The following SLC16A12 variants were observed in gnomAD, a reference collection of about 807,000 sequenced individuals.
SLC16A12 encodes monocarboxylate transporter 12.
Under a neutral mutation model 42.4 loss-of-function variants are expected in SLC16A12, and 17 were observed. The observed-to-expected ratio is 0.40, with a 90% confidence interval of 0.27 to 0.60. SLC16A12 has a LOEUF of 0.60. SLC16A12 is among the 20% of genes least tolerant of loss of function. The pLI is 0.42. For synonymous variants in SLC16A12, 224 were observed against 229.4 expected (o/e 0.98, Z 0.21); for missense variants, 544 against 623.0 (o/e 0.87, Z 1.35).
At chr10:89,553,458 A>T (rs143885869) in intron 2 of SLC16A12, among the ~76,000 whole-genome samples, 134 of 152,352 alleles carry the variant, frequency 8.8e-4, no homozygotes, top group African/African-American at 3.1e-3. Flanking sequence ...GACTCATTTC[A>T]ATACTAAATT....
intron 2 of SLC16A12, among the ~76,000 whole-genome samples, chr10:89,465,455 T>A (rs1010275969): frequency 6.6e-6 from 1 of 152,226 alleles, no homozygotes; most frequent in African/African-American, 2.4e-5. Flanking sequence ...GTCACTGACT[T>A]GACCAGCTGT....
intron 2 of SLC16A12, among the ~76,000 whole-genome samples, chr10:89,480,804 G>A (rs1011790575): frequency 3.9e-5 from 6 of 152,120 alleles, no homozygotes. Flanking sequence ...AATGGAGTGA[G>A]GAAGACTGGC....
chr10:89,441,209 A>G lies in SLC16A12; in HGVS notation c.347T>C (p.Val116Ala). 1 of 1,614,032 alleles carries G rather than the reference A, an allele frequency of 6.2e-7. No homozygotes were observed. Among genetic ancestry groups the G allele is most frequent in the East Asian group, 2.2e-5 (1 of 44,882 alleles). Residue 116 changes from valine to alanine, a missense_variant, in exon 5 of 8, where the codon GTG becomes GCG. Physicochemically the swap from Val to Ala is moderately conservative, Grantham distance 64. Transcript: ENST00000371790. ...AAGCAAGCCACCCAGCATGATTCCC[A>G]CTTGACAGGATAAATGGTTACTGAC... is the stretch of plus-strand genomic sequence containing the variant. The part of the protein sequence containing the change: ...SVVSNHLSCQ[V>A]GIMLGGLLAS...
chr10:89,497,963 A>G (rs1452728668), intron 2 of SLC16A12, among the ~76,000 whole-genome samples: 1 of 152,200 alleles, frequency 6.6e-6, no homozygotes, highest in African/African-American at 2.4e-5. Context: ...CTACGTCTGT[A>G]CTATTTGAAA....
intron 2 of SLC16A12, among the ~76,000 whole-genome samples, chr10:89,548,228 T>A (rs187718633): frequency 1.3e-5 from 2 of 152,036 alleles, no homozygotes; most frequent in East Asian, 3.9e-4. Flanking sequence ...AGATATGAAG[T>A]GAAAGAGACA....
chr10:89,483,370 G>A (rs780528561), intron 2 of SLC16A12, among the ~76,000 whole-genome samples: 2 of 152,098 alleles, frequency 1.3e-5, no homozygotes, highest in Non-Finnish European at 2.9e-5. Flanking sequence ...TGAGGCAGCT[G>A]GGCAGATCTT....
intron 2 of SLC16A12, among the ~76,000 whole-genome samples, chr10:89,480,236 G>C (rs1006504009): frequency 1.3e-5 from 2 of 152,128 alleles, no homozygotes; most frequent in South Asian, 4.1e-4. Context: ...TGAAGCACAT[G>C]GAACAGTGCC....
intron 2 of SLC16A12, among the ~76,000 whole-genome samples, chr10:89,503,179 C>T (rs1843012481): frequency 6.6e-6 from 1 of 152,204 alleles, no homozygotes; most frequent in African/African-American, 2.4e-5. Flanking sequence ...TTATTCCTCA[C>T]ATAATTGACT....
At chr10:89,470,925 C>T (rs76650135) in intron 2 of SLC16A12, among the ~76,000 whole-genome samples, 4 of 39,810 alleles carry the variant, frequency 1.0e-4, no homozygotes, top group Non-Finnish European at 2.7e-4. Flanking sequence ...CACAAGGACA[C>T]GGACACGTGA....
At chr10:89,454,122 G>A (rs146245391) in intron 3 of SLC16A12, among the ~76,000 whole-genome samples, 39 of 151,912 alleles carry the variant, frequency 2.6e-4, no homozygotes, top group Non-Finnish European at 4.6e-4. Context: ...GGGCTCAAGC[G>A]ATTCGCCTAC....
chr10:89,555,678 C>T (rs12267887), intron 2 of SLC16A12, among the ~76,000 whole-genome samples: 2,897 of 128,230 alleles, frequency 0.023, 58 homozygotes, highest in African/African-American at 0.056. Context: ...CACATATATA[C>T]GTATATACAC....
chr10:89,489,787 G>C (rs1842819617), intron 2 of SLC16A12, among the ~76,000 whole-genome samples: 1 of 152,062 alleles, frequency 6.6e-6, no homozygotes, highest in Admixed American at 6.6e-5. Context: ...TATTACATGT[G>C]TTTATACCTG....
chr10:89,488,111 A>G (rs1842791320), intron 2 of SLC16A12, among the ~76,000 whole-genome samples: 1 of 151,268 alleles, frequency 6.6e-6, no homozygotes, highest in Non-Finnish European at 1.5e-5. Context: ...CTACATAGCC[A>G]GAAAAAAGAG....
At chr10:89,480,600 A>C (rs1383523078) in intron 2 of SLC16A12, among the ~76,000 whole-genome samples, 1 of 152,220 alleles carries the variant, frequency 6.6e-6, no homozygotes, top group Non-Finnish European at 1.5e-5. Flanking sequence ...AAAATGCTTA[A>C]CTAAGTTATT....
intron 2 of SLC16A12, among the ~76,000 whole-genome samples, chr10:89,498,283 G>A (rs894163268): frequency 5.3e-5 from 8 of 152,150 alleles, no homozygotes; most frequent in Non-Finnish European, 8.8e-5. Flanking sequence ...GGTGAGCCCC[G>A]ATCATGCCAC....
intron 2 of SLC16A12, among the ~76,000 whole-genome samples, chr10:89,545,014 A>G (rs1843734808): frequency 6.6e-6 from 1 of 152,168 alleles, no homozygotes; most frequent in African/African-American, 2.4e-5. Flanking sequence ...CTAGACCTTA[A>G]GGGGTTATAC....
chr10:89,548,712 A>T (rs1843754491), intron 2 of SLC16A12, among the ~76,000 whole-genome samples: 1 of 152,142 alleles, frequency 6.6e-6, no homozygotes, highest in Non-Finnish European at 1.5e-5. Context: ...GCTACTAGGG[A>T]AGCTGAGGCA....
chr10:89,515,171 A>C (rs1354589480), intron 2 of SLC16A12, among the ~76,000 whole-genome samples: 1 of 152,090 alleles, frequency 6.6e-6, no homozygotes, highest in African/African-American at 2.4e-5. Context: ...GGTACTGGGG[A>C]GCAATTTCAA....
At chr10:89,458,176 T>C (rs1485839991) in intron 3 of SLC16A12, among the ~76,000 whole-genome samples, 1 of 152,240 alleles carries the variant, frequency 6.6e-6, no homozygotes, top group Non-Finnish European at 1.5e-5. Flanking sequence ...CAAATCTAAG[T>C]AGCTGTTATG....
Sources: allele counts gnomAD v4.1 joint callset (sites outside exome capture counted in the v4.1 genomes callset), GRCh38; gene constraint gnomAD v4.1.1; transcripts MANE v1.5; gene names NCBI Gene and HGNC (gene_info 2026-07-23, HGNC 2026-07-21).